The following SLC12A7 variants were observed in gnomAD, a reference collection of about 807,000 sequenced individuals.
SLC12A7 encodes the protein solute carrier family 12 member 7.
In SLC12A7, 100 loss-of-function variants were observed where a neutral mutation model predicts 120.6. The observed-to-expected ratio is 0.83, with a 90% CI of 0.71 to 0.98. SLC12A7 has a LOEUF of 0.98. SLC12A7 is among the 50% of genes least tolerant of loss of function. The pLI is 0.00. For missense variants in SLC12A7, 1,373 were observed against 1,548.1 expected (o/e 0.89, Z 1.90); for synonymous variants, 760 against 678.0 (o/e 1.12, Z -1.88).
rs928480394 is a variant in SLC12A7, at chr5:1,094,254, G to C, written c.125-6C>G. The stretch of plus-strand genomic sequence containing the variant: ...TTCTCTTGGATTTCCATCTCCTAGT[G>C]AGGGAAAAACAATTCAGAGTCAGCT... On this transcript the variant is annotated splice_polypyrimidine_tract_variant and splice_region_variant and intron_variant, in intron 1 of 23. Coordinates refer to ENST00000264930, the MANE Select transcript of SLC12A7 (RefSeq NM_006598.3). 14 of 1,606,796 alleles carry C rather than the reference G, an allele frequency of 8.7e-6. No individual in the cohort carries two copies. Among genetic ancestry groups the C allele is most frequent in the Middle Eastern group, 1.6e-4 (1 of 6,068 alleles).
At chr5:1,074,149 C>T (rs1738047996) in intron 16 of SLC12A7, among the ~76,000 whole-genome samples, 1 of 152,082 alleles carries the variant, frequency 6.6e-6, no homozygotes, top group Non-Finnish European at 1.5e-5. Flanking sequence ...AGGACACACA[C>T]CTGAAGCCCC....
At chr5:1,090,093 G>A (rs571807328) in intron 3 of SLC12A7, among the ~76,000 whole-genome samples, 1 of 152,228 alleles carries the variant, frequency 6.6e-6, no homozygotes, top group Admixed American at 6.5e-5. Context: ...GCGGGGCTTC[G>A]ATCCTGGGGT....
At chr5:1,055,484 A>G (rs1024368041) in intron 22 of SLC12A7, among the ~76,000 whole-genome samples, 1 of 152,196 alleles carries the variant, frequency 6.6e-6, no homozygotes, top group Non-Finnish European at 1.5e-5. Flanking sequence ...CGACCTCCAG[A>G]TCTTCGGAGG....
intron 8 of SLC12A7, among the ~76,000 whole-genome samples, chr5:1,082,017 TTCTGGAAAGTCCAGGCTTCCCGTCTC>T (rs1739183567): frequency 9.4e-6 from 1 of 106,794 alleles, no homozygotes; most frequent in Non-Finnish European, 2.4e-5. Flanking sequence ...CCGTCTCGGG[TTCTGGAAAGTCCAGGCTTCCCGTCTC>T]GGGTTCTGGA....
At chr5:1,052,635 A>G (rs1735171753) in intron 23 of SLC12A7, among the ~76,000 whole-genome samples, 184 bp from the exon 24 acceptor site, 1 of 152,024 alleles carries the variant, frequency 6.6e-6, no homozygotes, top group Non-Finnish European at 1.5e-5. Flanking sequence ...AGGGCAGGGG[A>G]GAGAGGGGCC....
chr5:1,052,312 C>T lies in SLC12A7; in HGVS notation c.*48G>A, dbSNP rs1735124390. The stretch of plus-strand genomic sequence containing the variant: ...GGGCCAAGCCCAGGCCCAGGCTGCC[C>T]ACGCCGTCCTCCGTGCCTGTCCCAG... On this transcript the variant is annotated 3_prime_UTR_variant, in exon 24 of 24. Coordinates refer to ENST00000264930, the MANE Select transcript of SLC12A7 (RefSeq NM_006598.3). The T allele has an allele frequency of 2.0e-6, 3 of 1,512,376 alleles. No homozygotes were observed. Among genetic ancestry groups the T allele is most frequent in the East Asian group, 2.3e-5 (1 of 44,390 alleles). 93.7% of individuals were successfully genotyped at this position (1,512,376 alleles called of 1,614,324 possible). A position where few individuals can be genotyped will look rare whatever the true frequency, so the allele number is the denominator to read the frequency against.
the SLC12A7 span, among the ~76,000 whole-genome samples, chr5:1,130,832 C>A: frequency 1.3e-5 from 2 of 152,226 alleles, no homozygotes; most frequent in African/African-American, 4.8e-5. Flanking sequence ...CAGCACAGCC[C>A]ATGCAGTCTC....
chr5:1,055,705 C>T (rs964422372), intron 22 of SLC12A7, among the ~76,000 whole-genome samples: 23 of 152,314 alleles, frequency 1.5e-4, no homozygotes, highest in African/African-American at 4.3e-4. Context: ...TGAGGGTCCC[C>T]GAGTGTGTGT....
chr5:1,083,169 G>A (rs946929404), intron 8 of SLC12A7, among the ~76,000 whole-genome samples: 1 of 149,452 alleles, frequency 6.7e-6, no homozygotes, highest in African/African-American at 2.5e-5. Context: ...TCGGGTTCTG[G>A]AAAGTCCGGG....
intron 10 of SLC12A7, among the ~76,000 whole-genome samples, chr5:1,079,196 T>A (rs1738719377): frequency 6.6e-6 from 1 of 152,200 alleles, no homozygotes; most frequent in Non-Finnish European, 1.5e-5. Context: ...TTCTCTACGA[T>A]CGCATCACAC....
At chr5:1,150,294 C>T in the SLC12A7 span, among the ~76,000 whole-genome samples, 2 of 150,628 alleles carry the variant, frequency 1.3e-5, no homozygotes, top group East Asian at 2.0e-4. Flanking sequence ...CTCCCCCGAC[C>T]CCGATAGAGC....
At chr5:1,074,726 C>A (rs1738128423) in intron 15 of SLC12A7, 55 bp from the exon 16 acceptor site, 3 of 1,544,880 alleles carry the variant, frequency 1.9e-6, no homozygotes, top group Non-Finnish European at 2.7e-6. Context: ...GCTCCTCTCC[C>A]ACCTGGGAAA....
intron 1 of SLC12A7, among the ~76,000 whole-genome samples, chr5:1,111,490 G>GC (rs1326381676): frequency 6.6e-6 from 1 of 152,148 alleles, no homozygotes; most frequent in Non-Finnish European, 1.5e-5. Flanking sequence ...GACGCAGGAC[G>GC]CCCCGGCTCC....
chr5:1,059,710 G>A (rs939854883), intron 21 of SLC12A7, among the ~76,000 whole-genome samples: 1 of 146,792 alleles, frequency 6.8e-6, no homozygotes, highest in Non-Finnish European at 1.5e-5. Context: ...CAAAGCCGCT[G>A]CAGCCAGGCG....
rs757042859 is a variant in SLC12A7, at chr5:1,086,859, C to T, written c.675+44G>A. On this transcript the variant is annotated intron_variant, in intron 6 of 23. Transcript: ENST00000264930. ...TCAGGCAGGGCCCCTTGGCATCCTG[C>T]CACAGACTGTGGGGTGGGAACCCTT... The T allele has an allele frequency of 2.4e-5, 39 of 1,602,514 alleles. No homozygotes were observed. The South Asian group carries it at 4.1e-4, about 17-fold the overall frequency.
intron 3 of SLC12A7, among the ~76,000 whole-genome samples, chr5:1,091,904 G>C (rs1740563023): frequency 6.6e-6 from 1 of 151,936 alleles, no homozygotes; most frequent in African/African-American, 2.4e-5. Flanking sequence ...CCACCCCAAG[G>C]GCTGGCCGAG....
intron 4 of SLC12A7, 80 bp downstream of exon 4, chr5:1,088,902 G>A: frequency 1.3e-6 from 2 of 1,567,834 alleles, no homozygotes; most frequent in Non-Finnish European, 1.7e-6. Context: ...GCGGCCAGGG[G>A]AGACGGCATC....
intron 1 of SLC12A7, among the ~76,000 whole-genome samples, chr5:1,096,874 G>GA (rs1741304471): frequency 7.9e-6 from 1 of 127,226 alleles, no homozygotes; most frequent in African/African-American, 3.0e-5. Flanking sequence ...TGAAGGGAGG[G>GA]AGGGAGGGAA....
intron 3 of SLC12A7, among the ~76,000 whole-genome samples, chr5:1,089,831 G>A (rs1354897509): frequency 1.3e-5 from 2 of 152,244 alleles, no homozygotes; most frequent in African/African-American, 4.8e-5. Context: ...GCGCCTGCCA[G>A]GCAGCTCCCC....
Sources: allele counts gnomAD v4.1 joint callset (sites outside exome capture counted in the v4.1 genomes callset), GRCh38; gene constraint gnomAD v4.1.1; transcripts MANE v1.5; gene names NCBI Gene and HGNC (gene_info 2026-07-23, HGNC 2026-07-21).